The following OSBPL1A variants were observed in gnomAD, a reference collection of about 807,000 sequenced individuals.
The protein encoded by OSBPL1A is oxysterol binding protein like 1A.
In OSBPL1A, 80 loss-of-function variants were observed where a neutral mutation model predicts 137.1. The ratio of observed to expected loss-of-function variants is 0.58; its 90% CI spans 0.49 to 0.70. OSBPL1A has a LOEUF of 0.70. Among genes scored for constraint, OSBPL1A ranks in the 30% least tolerant of loss-of-function variants. OSBPL1A has a pLI of 0.00. For synonymous variants in OSBPL1A, 365 were observed against 389.7 expected (o/e 0.94, Z 0.75); for missense variants, 970 against 1,129.4 (o/e 0.86, Z 2.02).
At chr18:24,296,717 A>C (rs1212248824) in intron 14 of OSBPL1A, among the ~76,000 whole-genome samples, 1 of 152,126 alleles carries the variant, frequency 6.6e-6, no homozygotes, top group Non-Finnish European at 1.5e-5. Flanking sequence ...ACATAAAGGG[A>C]TGCTGGATTT....
At chr18:24,329,532 A>G (rs906662047) in intron 7 of OSBPL1A, among the ~76,000 whole-genome samples, 4 of 149,900 alleles carry the variant, frequency 2.7e-5, no homozygotes, top group African/African-American at 9.8e-5. Flanking sequence ...CCTGGGTGAC[A>G]GAGTGAAACT....
intron 4 of OSBPL1A, chr18:24,347,749 G>C (rs537233464): frequency 4.0e-5 from 6 of 149,360 alleles, no homozygotes; most frequent in African/African-American, 1.2e-4. Context: ...GGGTGAGGCA[G>C]GAGAATCACT....
rs1311745583 is a variant in OSBPL1A, at chr18:24,225,307, T to C, written c.1445-109A>G. ...GGCTTTGAAACCTAAGCAGCCTACT[T>C]TGTCCCTCAACAATCCATCTGTTAA... is the stretch of plus-strand genomic sequence containing the variant. On this transcript the variant is annotated intron_variant, in intron 16 of 27. Coordinates refer to ENST00000319481, the MANE Select transcript of OSBPL1A (RefSeq NM_080597.4). The C allele has an allele frequency of 2.6e-6, 3 of 1,165,416 alleles. No homozygotes were observed. The African/African-American group carries it at 4.6e-5, about 18-fold the overall frequency. The allele number at this position is 1,165,416 out of a possible 1,614,324, so 72.2% of individuals were successfully genotyped here.
At chr18:24,202,914 A>G (rs2087261116) in intron 17 of OSBPL1A, among the ~76,000 whole-genome samples, 1 of 152,256 alleles carries the variant, frequency 6.6e-6, no homozygotes. Flanking sequence ...GGCATATGCC[A>G]AATGGTAGTA....
At chr18:24,388,800 C>CA (rs57143270) in intron 1 of OSBPL1A, among the ~76,000 whole-genome samples, 2,194 of 82,182 alleles carry the variant, frequency 0.027, 87 homozygotes, top group African/African-American at 0.075. Flanking sequence ...GACTCTGTCT[C>CA]AAAAAAAAAA....
chr18:24,287,242 G>A (rs915808734), intron 14 of OSBPL1A, among the ~76,000 whole-genome samples: 3 of 152,284 alleles, frequency 2.0e-5, no homozygotes, highest in East Asian at 1.9e-4. Flanking sequence ...TGTCCAATGG[G>A]TTCCCCACCT....
chr18:24,314,729 C>T (rs78321357), intron 11 of OSBPL1A, among the ~76,000 whole-genome samples: 1 of 152,130 alleles, frequency 6.6e-6, no homozygotes, highest in East Asian at 1.9e-4. Context: ...ATAAAATAAT[C>T]AGCAGTAGAT....
At chr18:24,358,257 C>T (rs7241075) in intron 4 of OSBPL1A, 115,792 of 540,724 alleles carry the variant, frequency 0.21, 14,681 homozygotes, top group East Asian at 0.44. Context: ...AGAGTATCCA[C>T]GTATCCATGA....
At chr18:24,282,773 A>G (rs941108415) in intron 14 of OSBPL1A, among the ~76,000 whole-genome samples, 9 of 152,196 alleles carry the variant, frequency 5.9e-5, no homozygotes, top group Non-Finnish European at 1.3e-4. Flanking sequence ...TCAAAAAATA[A>G]CTAAAAGGTC....
At chr18:24,221,964 T>C (rs1350982925) in intron 17 of OSBPL1A, among the ~76,000 whole-genome samples, 1 of 152,210 alleles carries the variant, frequency 6.6e-6, no homozygotes, top group African/African-American at 2.4e-5. Context: ...TTTCTTACTC[T>C]AATAACTTCT....
intron 15 of OSBPL1A, among the ~76,000 whole-genome samples, chr18:24,240,095 G>C (rs1226898596): frequency 6.6e-6 from 1 of 151,518 alleles, no homozygotes; most frequent in Admixed American, 6.6e-5. Context: ...GGCTAATTTT[G>C]GTATTTTTAG....
chr18:24,289,785 A>G (rs1315806277), intron 14 of OSBPL1A, among the ~76,000 whole-genome samples: 1 of 152,076 alleles, frequency 6.6e-6, no homozygotes, highest in Non-Finnish European at 1.5e-5. Flanking sequence ...TCTGGTTTTT[A>G]CAAGCTCTGT....
chr18:24,251,839 A>C (rs1198348454), intron 15 of OSBPL1A, among the ~76,000 whole-genome samples: 1 of 152,184 alleles, frequency 6.6e-6, no homozygotes, highest in Non-Finnish European at 1.5e-5. Context: ...CAGAGAAAGA[A>C]CTCAGAAGTC....
At chr18:24,389,379 T>C (rs1372149345) in intron 1 of OSBPL1A, among the ~76,000 whole-genome samples, 1 of 152,222 alleles carries the variant, frequency 6.6e-6, no homozygotes, top group Non-Finnish European at 1.5e-5. Context: ...CTTCTAATTT[T>C]TAAATTCTTT....
intron 17 of OSBPL1A, among the ~76,000 whole-genome samples, chr18:24,207,460 A>AT (rs1333108573): frequency 1.3e-5 from 2 of 152,384 alleles, no homozygotes; most frequent in Non-Finnish European, 2.9e-5. Flanking sequence ...ACAAATAAGT[A>AT]TTTTTTATTA....
intron 1 of OSBPL1A, among the ~76,000 whole-genome samples, chr18:24,379,814 T>C (rs1360135353): frequency 6.6e-6 from 1 of 151,812 alleles, no homozygotes; most frequent in African/African-American, 2.4e-5. Context: ...GAGGTTGCAG[T>C]GAGCTGAGAT....
intron 16 of OSBPL1A, among the ~76,000 whole-genome samples, chr18:24,233,909 TC>T (rs2088360651): frequency 6.6e-6 from 1 of 152,162 alleles, no homozygotes; most frequent in African/African-American, 2.4e-5. Flanking sequence ...CGCCTTGGCC[TC>T]CCAAAGTGCT....
At chr18:24,239,197 A>T (rs1294200264) in intron 16 of OSBPL1A, 23 bp downstream of exon 16, 1 of 1,610,064 alleles carries the variant, frequency 6.2e-7, no homozygotes, top group South Asian at 1.1e-5. Flanking sequence ...CCAACAATGC[A>T]GAGGGAAGGA....
chr18:24,395,868 C>T (rs534287218), intron 1 of OSBPL1A, among the ~76,000 whole-genome samples: 146 of 151,010 alleles, frequency 9.7e-4, no homozygotes, highest in Middle Eastern at 3.4e-3. Flanking sequence ...GTGATCCGCC[C>T]GCCTCGGCCT....
Sources: gnomAD v4.1 joint callset for allele counts (sites outside exome capture counted in the v4.1 genomes callset) on GRCh38, gnomAD v4.1.1 for gene constraint, MANE v1.5 for transcripts, NCBI Gene and HGNC (gene_info 2026-07-23, HGNC 2026-07-21) for gene names.